Variants in CCDC171 observed in about 807,000 individuals in gnomAD.
The protein encoded by CCDC171 is coiled-coil domain-containing protein 171.
CCDC171 carries 177 observed loss-of-function variants against 168.2 expected under a neutral mutation model. That is an observed-to-expected ratio of 1.05 (90% CI 0.93 to 1.19). The LOEUF (loss-of-function observed/expected upper bound fraction) is 1.19. CCDC171 is among the 50% of genes most tolerant of loss of function. The pLI is 0.00. For synonymous variants in CCDC171, 687 were observed against 540.8 expected (o/e 1.27, Z -3.75); for missense variants, 1,991 against 1,539.0 (o/e 1.29, Z -4.91).
At chr9:15,809,577 GGTGT>G (rs2059239218) in intron 21 of CCDC171, among the ~76,000 whole-genome samples, 1 of 152,044 alleles carries the variant, frequency 6.6e-6, no homozygotes, top group South Asian at 2.1e-4. Context: ...AGACTTTCGC[GGTGT>G]GTGTTACAGC....
At chr9:15,896,576 T>G (rs1820927153) in intron 24 of CCDC171, among the ~76,000 whole-genome samples, 1 of 152,102 alleles carries the variant, frequency 6.6e-6, no homozygotes, top group Non-Finnish European at 1.5e-5. Context: ...CAAGTCAGTT[T>G]ACAATTTTGC....
intron 8 of CCDC171, chr9:16,036,266 A>T (rs1261733784): frequency 6.6e-6 from 1 of 152,218 alleles, no homozygotes; most frequent in Non-Finnish European, 1.5e-5. Flanking sequence ...AAAGGCAAGT[A>T]TTTGTGAATG....
chr9:15,647,820 A>G (rs543509454), intron 7 of CCDC171, among the ~76,000 whole-genome samples: 1 of 152,314 alleles, frequency 6.6e-6, no homozygotes, highest in African/African-American at 2.4e-5. Context: ...CCAGAGGTAC[A>G]AGGAGGAGTT....
chr9:15,647,513 G>A (rs1173255582), intron 7 of CCDC171, among the ~76,000 whole-genome samples: 1 of 151,806 alleles, frequency 6.6e-6, no homozygotes, highest in Admixed American at 6.6e-5. Flanking sequence ...GACTAATAAA[G>A]AAGAAAAGAG....
At chr9:15,577,955 T>C (rs2040802712) in intron 3 of CCDC171, among the ~76,000 whole-genome samples, 1 of 152,232 alleles carries the variant, frequency 6.6e-6, no homozygotes, top group African/African-American at 2.4e-5. Flanking sequence ...GAGAAGCCAG[T>C]TGTCTCTGAC....
At chr9:15,633,705 C>T (rs1014975267) in intron 7 of CCDC171, among the ~76,000 whole-genome samples, 1 of 152,144 alleles carries the variant, frequency 6.6e-6, no homozygotes, top group African/African-American at 2.4e-5. Context: ...AATCATTCTA[C>T]TATACAGACA....
In CCDC171 at chr9:15,744,590, G is replaced by A; in HGVS notation, c.2367G>A (p.Met789Ile). Residue 789 changes from methionine to isoleucine, a missense_variant, in exon 17 of 26, where the codon ATG becomes ATA. Physicochemically the swap from Met to Ile is conservative, Grantham distance 10. Transcript: ENST00000380701. ...VEEKKQEEAK[M>I]KKKTFKGLIR... is the part of the protein sequence containing the mutation. ...AAAAGAAGCAAGAGGAAGCCAAGAT[G>A]AAAAAGAAAACATTCAAAGGATTGA... is the stretch of plus-strand genomic sequence containing the variant. 6.2e-7 allele frequency: 1 copy of A among 1,614,164 alleles called. No individual in the cohort carries two copies. The highest frequency in any genetic ancestry group is 1.3e-5 in the African/African-American group (1 of 75,058).
At chr9:15,957,087 C>CT (rs1829873687) in intron 25 of CCDC171, among the ~76,000 whole-genome samples, 1 of 147,602 alleles carries the variant, frequency 6.8e-6, no homozygotes, top group Admixed American at 6.9e-5. Flanking sequence ...AGATTCCTGT[C>CT]TAATTCAAGA....
At chr9:15,751,797 A>G (rs2055761806) in intron 18 of CCDC171, among the ~76,000 whole-genome samples, 2 of 152,234 alleles carry the variant, frequency 1.3e-5, no homozygotes, top group African/African-American at 4.8e-5. Context: ...ACCTAAAACC[A>G]TAAAAACGCT....
intron 21 of CCDC171, among the ~76,000 whole-genome samples, chr9:15,842,760 T>A (rs10756711): frequency 0.32 from 49,042 of 151,662 alleles, 10,021 homozygotes; most frequent in East Asian, 0.65. Context: ...TTCATAGGTG[T>A]GAGATAATAG....
At chr9:15,582,119 A>G (rs968770825) in intron 4 of CCDC171, among the ~76,000 whole-genome samples, 7 of 152,368 alleles carry the variant, frequency 4.6e-5, no homozygotes, top group African/African-American at 1.7e-4. Flanking sequence ...TGGGCAAAGG[A>G]TATGAACAGA....
intron 7 of CCDC171, among the ~76,000 whole-genome samples, chr9:15,654,687 A>G (rs1453041848): frequency 6.6e-6 from 1 of 152,184 alleles, no homozygotes; most frequent in Non-Finnish European, 1.5e-5. Context: ...AGATGGCCGA[A>G]TAGGAACAGC....
At chr9:15,910,395 C>G (rs1015644618) in intron 24 of CCDC171, among the ~76,000 whole-genome samples, 11 of 152,152 alleles carry the variant, frequency 7.2e-5, no homozygotes, top group Non-Finnish European at 4.4e-5. Context: ...GGCTTTATTC[C>G]TCGCTTCTCC....
intron 23 of CCDC171, 48 bp downstream of exon 23, chr9:15,848,995 A>G: frequency 1.1e-6 from 1 of 945,692 alleles, no homozygotes; most frequent in Non-Finnish European, 1.6e-6. Context: ...CATGACACCT[A>G]GTCATTATTT....
intron 6 of CCDC171, among the ~76,000 whole-genome samples, chr9:15,607,525 G>C (rs988001906): frequency 2.0e-5 from 3 of 151,828 alleles, no homozygotes; most frequent in Non-Finnish European, 4.4e-5. Flanking sequence ...GCAGTGGCGC[G>C]ATCTTGGTTC....
chr9:15,998,590 A>G (rs915143452), intron 3 of CCDC171, among the ~76,000 whole-genome samples: 1 of 152,210 alleles, frequency 6.6e-6, no homozygotes, highest in Non-Finnish European at 1.5e-5. Flanking sequence ...GTCATCAAAT[A>G]GCCAATTGGT....
chr9:16,024,709 G>A (rs1833240489), intron 6 of CCDC171, among the ~76,000 whole-genome samples: 1 of 152,184 alleles, frequency 6.6e-6, no homozygotes, highest in Non-Finnish European at 1.5e-5. Context: ...ATCATTTCAG[G>A]AATAGGAAAG....
intron 8 of CCDC171, among the ~76,000 whole-genome samples, chr9:15,658,179 C>G (rs12555102): frequency 0.018 from 2,759 of 152,166 alleles, 149 homozygotes; most frequent in Admixed American, 0.11. Flanking sequence ...AGTGGTAGAG[C>G]TTAGGGAAAA....
intron 7 of CCDC171, among the ~76,000 whole-genome samples, chr9:15,642,747 A>T (rs1192977813): frequency 1.3e-5 from 2 of 152,152 alleles, no homozygotes; most frequent in African/African-American, 2.4e-5. Context: ...TTCATTTAAA[A>T]TGAGAAGTTG....
Sources: allele counts gnomAD v4.1 joint callset (sites outside exome capture counted in the v4.1 genomes callset), GRCh38; gene constraint gnomAD v4.1.1; transcripts MANE v1.5; gene names NCBI Gene and HGNC (gene_info 2026-07-23, HGNC 2026-07-21).